CRIM1: variants seen among roughly 807,000 people sequenced by gnomAD.
CRIM1 encodes cysteine rich transmembrane BMP regulator 1.
Under a neutral mutation model 116.4 loss-of-function variants are expected in CRIM1, and 32 were observed. The ratio of observed to expected loss-of-function variants is 0.27; its 90% CI spans 0.21 to 0.37. The LOEUF (loss-of-function observed/expected upper bound fraction) is 0.37, where lower values mean the gene tolerates loss of function less well. CRIM1 is among the 10% of genes least tolerant of loss of function. The pLI is 1.00. For missense variants in CRIM1, 1,331 were observed against 1,354.8 expected, an observed-to-expected ratio of 0.98 and a Z score of 0.28; for synonymous variants, 590 against 509.2, an observed-to-expected ratio of 1.16 and a Z score of -2.13.
At chr2:36,506,060 A>C (rs1383528691) in intron 8 of CRIM1, among the ~76,000 whole-genome samples, 1 of 152,010 alleles carries the variant, frequency 6.6e-6, no homozygotes, top group African/African-American at 2.4e-5. Flanking sequence ...GGGTGGCCAC[A>C]GCCCATCCCA....
intron 2 of CRIM1, among the ~76,000 whole-genome samples, chr2:36,435,762 A>G (rs1675265674): frequency 6.6e-6 from 1 of 152,084 alleles, no homozygotes; most frequent in Non-Finnish European, 1.5e-5. Flanking sequence ...ATTGATAGAA[A>G]CTTTCCAGGG....
At chr2:36,459,733 G>A (rs993439754) in intron 4 of CRIM1, among the ~76,000 whole-genome samples, 1 of 152,178 alleles carries the variant, frequency 6.6e-6, no homozygotes, top group Non-Finnish European at 1.5e-5. Context: ...GTGGACATGA[G>A]CTGTGGCTGG....
chr2:36,508,945 C>T (rs993024102), intron 8 of CRIM1, among the ~76,000 whole-genome samples: 3 of 152,106 alleles, frequency 2.0e-5, no homozygotes, highest in East Asian at 3.8e-4. Context: ...ATAGTGGTTA[C>T]TTAAACCTTA....
intron 2 of CRIM1, among the ~76,000 whole-genome samples, chr2:36,418,309 T>C (rs1452592618): frequency 1.3e-4 from 20 of 152,162 alleles, no homozygotes; most frequent in Admixed American, 1.3e-3. Context: ...GAGCTCTTTT[T>C]ATTGTTTGCT....
rs371812748 is a variant in CRIM1 at position 36,442,625 on chromosome 2, G to A, written c.759G>A (p.Val253=). ...DLYECKPVFG[V]DCRTVECPPV... is the part of the protein sequence containing the mutation. ...GTTTGCCCCTTTCAGTTTTCGGCGT[G>A]GACTGCAGGACTGTGGAATGCCCTC... The change falls in exon 4 of 17, where the codon GTG becomes GTA. Residue 253 remains valine (V), a synonymous_variant. Coordinates refer to ENST00000280527, the MANE Select transcript of CRIM1 (RefSeq NM_016441.3). The A allele has an allele frequency of 6.2e-7, 1 of 1,613,874 alleles. No homozygotes were observed. The highest frequency in any genetic ancestry group is 1.3e-5 in the African/African-American group (1 of 74,902).
rs1679033321 is a variant in CRIM1, at chr2:36,477,007, G to A, written c.1110G>A (p.Gln370=). The A allele has an allele frequency of 3.7e-6, 6 of 1,613,776 alleles. No homozygotes were observed. The highest frequency in any genetic ancestry group is 4.5e-5 in the East Asian group (2 of 44,870). The change falls in exon 6 of 17, where the codon CAG becomes CAA. Residue 370 remains glutamine, a synonymous_variant. Coordinates refer to ENST00000280527, the MANE Select transcript of CRIM1 (RefSeq NM_016441.3). Reference sequence around the variant, plus strand: ...GCGTTGCCATCTGCTTCACCGCCCAGTGTGGTGAGATAAACTGCGAGAGGT... The same window carrying A: ...GCGTTGCCATCTGCTTCACCGCCCAATGTGGTGAGATAAACTGCGAGAGGT... The part of the protein sequence containing the change: ...QGGVAICFTA[Q]CGEINCERYY...
rs1420803815 is a variant in CRIM1, at chr2:36,464,667, TTC to T, written c.991+16_991+17del. On this transcript the variant is annotated intron_variant, in intron 5 of 16. Coordinates refer to ENST00000280527, the MANE Select transcript of CRIM1 (RefSeq NM_016441.3). ...TGAATGTGTTAATGGTACGTGGGGT[TTC>T]TCTTGTTCTCAGAGAGTGTACATTT... 1 of 1,613,536 alleles carries T rather than the reference TTC, an allele frequency of 6.2e-7. No individual in the cohort carries two copies. The highest frequency in any genetic ancestry group is 1.3e-5 in the African/African-American group (1 of 74,918).
intron 7 of CRIM1, among the ~76,000 whole-genome samples, chr2:36,479,999 C>T (rs1288684658): frequency 1.3e-5 from 2 of 152,174 alleles, no homozygotes; most frequent in Non-Finnish European, 2.9e-5. Flanking sequence ...AAAGGTCAGC[C>T]TAACAAAATG....
chr2:36,479,515 A>C lies in CRIM1; in HGVS notation c.1193A>C (p.Asn398Thr). 1 of 1,614,220 alleles carries C rather than the reference A, an allele frequency of 6.2e-7. No homozygotes were observed. The highest frequency in any genetic ancestry group is 8.5e-7 in the Non-Finnish European group (1 of 1,180,028). Residue 398 changes from asparagine to threonine, a missense_variant, in exon 7 of 17, where the codon AAT becomes ACT. Coordinates refer to ENST00000280527, the MANE Select transcript of CRIM1 (RefSeq NM_016441.3). ...PVCEDPVYPF[N>T]NPAGCYANGL... is the part of the protein sequence containing the mutation. Reference sequence around the variant, plus strand: ...CATTTAGATCCAGTGTATCCTTTTAATAATCCCGCTGGCTGCTATGCCAAT... The same window carrying C: ...CATTTAGATCCAGTGTATCCTTTTACTAATCCCGCTGGCTGCTATGCCAAT...
intron 1 of CRIM1, among the ~76,000 whole-genome samples, chr2:36,391,076 C>T (rs1292661185): frequency 3.4e-5 from 5 of 147,898 alleles, no homozygotes; most frequent in African/African-American, 1.3e-4. Flanking sequence ...TCCCAAAGTG[C>T]TGGGATTACA....
chr2:36,391,265 A>C (rs1038127501), intron 1 of CRIM1, among the ~76,000 whole-genome samples: 5 of 150,766 alleles, frequency 3.3e-5, no homozygotes, highest in Non-Finnish European at 7.4e-5. Context: ...AGAAGCTGGG[A>C]CTACAGGCGC....
intron 14 of CRIM1, among the ~76,000 whole-genome samples, chr2:36,539,965 GAATA>G (rs1666834088): frequency 2.0e-5 from 3 of 152,094 alleles, no homozygotes; most frequent in Non-Finnish European, 2.9e-5. Context: ...CGAAGGGTAA[GAATA>G]AATAGAAAAG....
At chr2:36,363,654 C>G (rs773729215) in intron 1 of CRIM1, among the ~76,000 whole-genome samples, 3 of 150,754 alleles carry the variant, frequency 2.0e-5, no homozygotes, top group African/African-American at 7.4e-5. Context: ...ATAAATGTAA[C>G]CATTTATCTG....
intron 1 of CRIM1, among the ~76,000 whole-genome samples, chr2:36,392,449 C>CT (rs111710317): frequency 0.14 from 21,316 of 148,226 alleles, 1,845 homozygotes; most frequent in East Asian, 0.49. Context: ...CTGTTTTTAA[C>CT]TTTTTTTTTT....
At chr2:36,407,579 A>G (rs938772504) in intron 2 of CRIM1, among the ~76,000 whole-genome samples, 2 of 152,054 alleles carry the variant, frequency 1.3e-5, no homozygotes, top group Admixed American at 1.3e-4. Flanking sequence ...AAAACAGGAA[A>G]CTCAGGGAAC....
chr2:36,497,306 C>T (rs1680669926), intron 7 of CRIM1, among the ~76,000 whole-genome samples: 1 of 152,112 alleles, frequency 6.6e-6, no homozygotes, highest in African/African-American at 2.4e-5. Flanking sequence ...CTGGGATAAC[C>T]TGTGGTGGGT....
intron 4 of CRIM1, among the ~76,000 whole-genome samples, chr2:36,448,551 C>T (rs990624614): frequency 6.6e-6 from 1 of 152,186 alleles, no homozygotes; most frequent in African/African-American, 2.4e-5. Context: ...AGTTAAAAAT[C>T]TAGACAGTAA....
chr2:36,411,270 T>G (rs1239254902), intron 2 of CRIM1, among the ~76,000 whole-genome samples: 1 of 152,152 alleles, frequency 6.6e-6, no homozygotes, highest in Non-Finnish European at 1.5e-5. Context: ...AGCATGGAAC[T>G]CCCAAAAATG....
intron 5 of CRIM1, among the ~76,000 whole-genome samples, chr2:36,469,746 A>G (rs1245683642): frequency 1.1e-4 from 16 of 152,250 alleles, no homozygotes; most frequent in Admixed American, 1.0e-3. Context: ...TACTGATAGA[A>G]TAATGGAGAT....
Sources: gnomAD v4.1 joint callset for allele counts (sites outside exome capture counted in the v4.1 genomes callset) on GRCh38, gnomAD v4.1.1 for gene constraint, MANE v1.5 for transcripts, NCBI Gene and HGNC (gene_info 2026-07-23, HGNC 2026-07-21) for gene names.